Variants in PMPCB observed in about 807,000 individuals in gnomAD.
PMPCB encodes the protein peptidase, mitochondrial processing subunit beta, also known as mitochondrial-processing peptidase subunit beta.
PMPCB carries 46 observed loss-of-function variants against 61.5 expected under a neutral mutation model. That is an observed-to-expected ratio of 0.75 (90% CI 0.59 to 0.96). The LOEUF is 0.96. Ranked by LOEUF, PMPCB falls within the 40% of genes least tolerant of loss-of-function variation. The pLI, the probability that PMPCB is intolerant of heterozygous loss-of-function variation, is 0.00. For missense variants in PMPCB, 590 were observed against 602.4 expected (o/e 0.98, Z 0.22); for synonymous variants, 191 against 201.6 (o/e 0.95, Z 0.44).
At chr7:103,340,152 G>C in the PMPCB span, among the ~76,000 whole-genome samples, 2 of 152,090 alleles carry the variant, frequency 1.3e-5, no homozygotes, top group Non-Finnish European at 2.9e-5. Context: ...TTTCCCTCTT[G>C]CTCCTCCCTT....
At chr7:103,330,779 G>A (rs572263042), downstream of PMPCB, among the ~76,000 whole-genome samples, 22 of 148,674 alleles carry the variant, frequency 1.5e-4, no homozygotes, top group African/African-American at 5.2e-4. Context: ...GAGGGGTTTC[G>A]TCATGTTGGC....
chr7:103,326,486 A>G, intron 12 of PMPCB: 1 of 1,555,570 alleles, frequency 6.4e-7, no homozygotes, highest in Non-Finnish European at 8.8e-7. Context: ...GAAACCTGGA[A>G]GACTACAATA....
At chr7:103,346,123 T>G in the PMPCB span, among the ~76,000 whole-genome samples, 569 of 151,978 alleles carry the variant, frequency 3.7e-3, 3 homozygotes, top group African/African-American at 0.014. Flanking sequence ...CTAACATGGG[T>G]TTTTGTTTTT....
In PMPCB at chr7:103,314,668, C is replaced by T. The variant is rs965390598; in HGVS notation, c.*2397C>T. 59 of 984,638 alleles carry T rather than the reference C, an allele frequency of 6.0e-5. No individual in the cohort carries two copies. The highest frequency in any genetic ancestry group is 1.2e-4 in the Admixed American group (2 of 16,242). 61.0% of individuals were successfully genotyped at this position (984,638 alleles called of 1,614,324 possible). On this transcript the variant is annotated 3_prime_UTR_variant, in exon 13 of 13. Coordinates refer to ENST00000249269, the MANE Select transcript of PMPCB (RefSeq NM_004279.3). ...TGTTACTTACCTTTATTAAAAGAAC[C>T]GAAATAATGCCTAACTCAGCCAAAC...
chr7:103,316,202 C>T (rs1166268420), downstream of PMPCB: 1 of 557,578 alleles, frequency 1.8e-6, no homozygotes, highest in Non-Finnish European at 2.9e-6. Flanking sequence ...AGAATGAGCT[C>T]AGATTGGTGG....
downstream of PMPCB, among the ~76,000 whole-genome samples, chr7:103,330,381 C>T (rs543604472): frequency 1.2e-4 from 18 of 151,958 alleles, no homozygotes; most frequent in Non-Finnish European, 2.2e-4. Context: ...TTAACCTCCC[C>T]GGCTCAGGTG....
rs774717541 is a variant in PMPCB, at chr7:103,309,059, G to A, written c.957G>A (p.Leu319=). 6.2e-7 allele frequency: 1 copy of A among 1,608,268 alleles called. No homozygotes were observed. Among genetic ancestry groups the A allele is most frequent in the South Asian group, 1.1e-5 (1 of 90,330 alleles). Residue 319 remains leucine, a synonymous_variant, in exon 8 of 13, where the codon CTG becomes CTA. Coordinates refer to ENST00000249269, the MANE Select transcript of PMPCB (RefSeq NM_004279.3). ...TCTGTCTCATGGTTGCAAACACGCT[G>A]ATTGGCAACTGGGATCGCTCTTTTG... ...DTICLMVANT[L]IGNWDRSFGG...
intron 12 of PMPCB, chr7:103,321,827 G>A (rs945440178): frequency 1.1e-5 from 14 of 1,313,576 alleles, no homozygotes; most frequent in Middle Eastern, 2.1e-4. Flanking sequence ...CAGCCTGGGC[G>A]ACAGAGCGAG....
In PMPCB at chr7:103,297,464, C is replaced by G. The variant is rs759505735; in HGVS notation, c.5C>G (p.Ala2Gly). The change falls in exon 1 of 13, where the codon GCG (alanine) becomes GGG (glycine). Residue 2 changes from alanine to glycine, a missense_variant. Ala to Gly is a moderately conservative substitution (Grantham distance 60). Coordinates refer to ENST00000249269, the MANE Select transcript of PMPCB (RefSeq NM_004279.3). ...TCTACCTTCCTTCTAGCAGAAATGG[C>G]GGCTGCGGCGGCTCGAGTGGTGTTG... is the stretch of plus-strand genomic sequence containing the variant. M[A>G]AAAARVVLSS... 9.7e-6 allele frequency: 15 copies of G among 1,541,268 alleles called. No homozygotes were observed. The African/African-American group carries it at 2.1e-4, about 21-fold the overall frequency.
At position 103,311,914 on chromosome 7, in the gene PMPCB, A is replaced by G. The variant is rs776042571; in HGVS notation, c.1329+18A>G. 2.4e-5 allele frequency: 37 copies of G among 1,548,472 alleles called. No homozygotes were observed. In the Admixed American group the frequency reaches 6.4e-4, roughly 27 times the overall value. On this transcript the variant is annotated intron_variant, in intron 11 of 12. Coordinates refer to ENST00000249269, the MANE Select transcript of PMPCB (RefSeq NM_004279.3). ...GAATTGATGTAAGTAGTCCTGAGTTACTATTGGGTCATGTGTAAAAAGATC... is the reference window on the plus strand; with the variant it reads ...GAATTGATGTAAGTAGTCCTGAGTTGCTATTGGGTCATGTGTAAAAAGATC...
At position 103,313,697 on chromosome 7, in the gene PMPCB, T is replaced by C; in HGVS notation, c.*1426T>C. On this transcript the variant is annotated 3_prime_UTR_variant, in exon 13 of 13. Coordinates refer to ENST00000249269, the MANE Select transcript of PMPCB (RefSeq NM_004279.3). The stretch of plus-strand genomic sequence containing the variant: ...CTGCTAAAATCTTGGGAGCCGATGC[T>C]GAACACTTCCAATAACTGCTATTGT... The C allele has an allele frequency of 1.0e-6, 1 of 985,448 alleles. No individual in the cohort carries two copies. The highest frequency in any genetic ancestry group is 4.7e-5 in the South Asian group (1 of 21,290). 61.0% of individuals were successfully genotyped at this position (985,448 alleles called of 1,614,324 possible).
the PMPCB span, chr7:103,341,755 A>G: frequency 2.8e-5 from 44 of 1,545,584 alleles, no homozygotes; most frequent in Non-Finnish European, 3.7e-5. Flanking sequence ...ATATTCAGAT[A>G]TTAAATACCT....
downstream of PMPCB, among the ~76,000 whole-genome samples, chr7:103,315,495 A>G (rs1818000227): frequency 6.6e-6 from 1 of 152,182 alleles, no homozygotes; most frequent in South Asian, 2.1e-4. Flanking sequence ...CTTTAGTCCC[A>G]ATAATATCCT....
intron 12 of PMPCB, chr7:103,324,597 C>T (rs566136074): frequency 7.1e-7 from 1 of 1,405,838 alleles, no homozygotes; most frequent in African/African-American, 1.5e-5. Flanking sequence ...TACAATTCTT[C>T]AAAAATTATG....
chr7:103,322,621 T>TG, intron 12 of PMPCB: 1 of 1,613,184 alleles, frequency 6.2e-7, no homozygotes, highest in Non-Finnish European at 8.5e-7. Context: ...GGATCACAGC[T>TG]GTATGCATTG....
At chr7:103,323,784 G>T in intron 12 of PMPCB, 1 of 747,312 alleles carries the variant, frequency 1.3e-6, no homozygotes, top group Non-Finnish European at 1.9e-6. Context: ...ATTGAACTAA[G>T]GTCAAGTCTT....
chr7:103,344,763 C>G, the PMPCB span: 1 of 796,064 alleles, frequency 1.3e-6, no homozygotes, highest in Non-Finnish European at 2.0e-6. Context: ...ATGGAGACGA[C>G]CAGTAAGCAC....
rs139362551 is a variant in PMPCB at position 103,303,902 on chromosome 7, G to A, written c.518G>A (p.Arg173His). ...NSTLGEAEIE[R>H]ERGVILREMQ... ...ACATTGGGAGAAGCAGAGATTGAAC[G>A]TGAGCGTGGAGTAATCCTTAGAGAG... The change falls in exon 5 of 13, where the codon CGT becomes CAT. Residue 173 changes from arginine (R) to histidine (H), a missense_variant. Coordinates refer to ENST00000249269, the MANE Select transcript of PMPCB (RefSeq NM_004279.3). 2.6e-5 allele frequency: 42 copies of A among 1,613,754 alleles called. No individual in the cohort carries two copies. Among genetic ancestry groups the A allele is most frequent in the Non-Finnish European group, 3.5e-5 (41 of 1,179,790 alleles).
chr7:103,297,790 C>T (rs1237036061), intron 1 of PMPCB: 4 of 1,529,622 alleles, frequency 2.6e-6, no homozygotes, highest in Non-Finnish European at 3.5e-6. Context: ...TTTTCGGCTC[C>T]TCCCGCCAGC....
Sources: gnomAD v4.1 joint callset for allele counts (sites outside exome capture counted in the v4.1 genomes callset) on GRCh38, gnomAD v4.1.1 for gene constraint, MANE v1.5 for transcripts, NCBI Gene and HGNC (gene_info 2026-07-23, HGNC 2026-07-21) for gene names.